SSBP2: variants seen among roughly 807,000 people sequenced by gnomAD.
SSBP2 encodes single-stranded DNA-binding protein 2.
Under a neutral mutation model 61.8 loss-of-function variants are expected in SSBP2, and 17 were observed. That is an observed-to-expected ratio of 0.28 (90% CI 0.19 to 0.41). SSBP2 has a LOEUF of 0.41. Ranked by LOEUF, SSBP2 falls within the 10% of genes least tolerant of loss-of-function variation. SSBP2 has a pLI of 1.00. For synonymous variants in SSBP2, 139 were observed against 141.3 expected (o/e 0.98, Z 0.12); for missense variants, 310 against 458.7 (o/e 0.68, Z 2.96).
rs376948938 is a variant in SSBP2, at chr5:81,429,136, G to A, written c.958-453C>T. ...ACATTTCCTTTTAATTCTACATGCA[G>A]TATACAGATAACACTATTTCAACCA... On this transcript the variant is annotated intron_variant, in intron 15 of 16. Coordinates refer to ENST00000320672, the MANE Select transcript of SSBP2 (RefSeq NM_012446.5). Among the ~76,000 whole-genome samples the A allele has an allele frequency of 1.4e-4, 22 of 152,222 alleles. No homozygotes were observed. The East Asian group carries it at 4.2e-3, about 29-fold the overall frequency.
intron 4 of SSBP2, among the ~76,000 whole-genome samples, chr5:81,578,950 C>G (rs945439750): frequency 1.3e-5 from 2 of 151,854 alleles, no homozygotes; most frequent in South Asian, 2.1e-4. Context: ...AATTAAAGAA[C>G]CTAAATTGTA....
intron 10 of SSBP2, among the ~76,000 whole-genome samples, chr5:81,451,673 C>T (rs776575440): frequency 5.9e-5 from 9 of 152,372 alleles, no homozygotes; most frequent in Middle Eastern, 3.4e-3. Flanking sequence ...GTGATCCACC[C>T]GCCTTGGCCT....
chr5:81,440,739 T>G, intron 13 of SSBP2, 103 bp from the exon 14 acceptor site: 1 of 799,878 alleles, frequency 1.3e-6, no homozygotes, highest in South Asian at 2.0e-5. Flanking sequence ...ACAACTTATT[T>G]TTACTTTCAA....
rs199843175 is a variant in SSBP2 at position 81,739,592 on chromosome 5, TA to T, written c.62+11388del. Among the ~76,000 whole-genome samples, 754 of 152,258 alleles carry T rather than the reference TA, an allele frequency of 5.0e-3. 2 individuals are homozygous for T. The highest frequency in any genetic ancestry group is 0.016 in the African/African-American group (682 of 41,542). On this transcript the variant is annotated intron_variant, in intron 1 of 16. Coordinates refer to ENST00000320672, the MANE Select transcript of SSBP2 (RefSeq NM_012446.5). ...TGATGGGCAGAGATTGCCAGGTTAT[TA>T]AGATCTGACTCAGGAAGGCTCAACA...
At chr5:81,718,789 G>T (rs1755347780) in intron 1 of SSBP2, among the ~76,000 whole-genome samples, 1 of 152,144 alleles carries the variant, frequency 6.6e-6, no homozygotes. Context: ...AGTAAGAAAT[G>T]CACTGATTAG....
chr5:81,453,456 CT>C (rs34761912), intron 10 of SSBP2, among the ~76,000 whole-genome samples: 40,324 of 111,986 alleles, frequency 0.36, 7,432 homozygotes, highest in African/African-American at 0.68. Flanking sequence ...TGGGTTTATT[CT>C]TTTTTTTTTT....
At chr5:81,620,378 C>G (rs1362118662) in intron 3 of SSBP2, among the ~76,000 whole-genome samples, 1 of 149,094 alleles carries the variant, frequency 6.7e-6, no homozygotes, top group Non-Finnish European at 1.5e-5. Context: ...AATAAAATAC[C>G]TAGGAATCCA....
At chr5:81,560,378 G>A (rs374756690) in intron 4 of SSBP2, among the ~76,000 whole-genome samples, 1 of 152,112 alleles carries the variant, frequency 6.6e-6, no homozygotes, top group South Asian at 2.1e-4. Context: ...ACTGCCAAAG[G>A]GTTGCAGGAA....
intron 4 of SSBP2, among the ~76,000 whole-genome samples, chr5:81,562,254 G>C (rs1773106287): frequency 6.6e-6 from 1 of 152,032 alleles, no homozygotes; most frequent in African/African-American, 2.4e-5. Flanking sequence ...AGTGTAAAAA[G>C]AAATATAATT....
At chr5:81,644,652 G>T (rs1001468609) in intron 2 of SSBP2, among the ~76,000 whole-genome samples, 8 of 152,164 alleles carry the variant, frequency 5.3e-5, no homozygotes, top group African/African-American at 1.9e-4. Flanking sequence ...ATACAAAAGA[G>T]CAATGAGTTA....
At chr5:81,470,823 A>T (rs1561438914) in intron 8 of SSBP2, among the ~76,000 whole-genome samples, 2 of 151,880 alleles carry the variant, frequency 1.3e-5, no homozygotes, top group South Asian at 4.1e-4. Flanking sequence ...TTTTTCCATT[A>T]TCTCTCAAGA....
At chr5:81,747,433 T>C (rs865964214) in intron 1 of SSBP2, among the ~76,000 whole-genome samples, 3 of 152,216 alleles carry the variant, frequency 2.0e-5, no homozygotes, top group South Asian at 4.2e-4. Context: ...TCTTGTAGAT[T>C]TGTTGGGAGA....
chr5:81,425,988 C>T (rs904259252), intron 16 of SSBP2, among the ~76,000 whole-genome samples: 1 of 152,142 alleles, frequency 6.6e-6, no homozygotes, highest in Non-Finnish European at 1.5e-5. Flanking sequence ...GCAGACTGCT[C>T]AAAAATATGT....
At chr5:81,561,034 G>A (rs1773005830) in intron 4 of SSBP2, among the ~76,000 whole-genome samples, 1 of 152,090 alleles carries the variant, frequency 6.6e-6, no homozygotes. Context: ...GATCATAGGA[G>A]TTTCTCCTAG....
At chr5:81,708,693 CCCTTT>C (rs1754566427) in intron 1 of SSBP2, among the ~76,000 whole-genome samples, 1 of 151,948 alleles carries the variant, frequency 6.6e-6, no homozygotes, top group Non-Finnish European at 1.5e-5. Context: ...CTAAAATGTA[CCCTTT>C]CTTCTTTAGT....
At chr5:81,493,428 G>A (rs1396948091) in intron 5 of SSBP2, among the ~76,000 whole-genome samples, 1 of 151,724 alleles carries the variant, frequency 6.6e-6, no homozygotes, top group Non-Finnish European at 1.5e-5. Context: ...GGGACTACAG[G>A]TGTGGTACAC....
intron 1 of SSBP2, among the ~76,000 whole-genome samples, chr5:81,688,407 C>T (rs1398807697): frequency 2.0e-5 from 3 of 152,172 alleles, no homozygotes; most frequent in Admixed American, 1.3e-4. Context: ...GATTATAGAG[C>T]CCTAGGGCCT....
chr5:81,688,452 C>T (rs1044562396), intron 1 of SSBP2, among the ~76,000 whole-genome samples: 8 of 152,176 alleles, frequency 5.3e-5, no homozygotes, highest in African/African-American at 1.4e-4. Context: ...ACAGTGGTTA[C>T]CACAGGCCTT....
intron 4 of SSBP2, among the ~76,000 whole-genome samples, chr5:81,557,636 T>C (rs1772707268): frequency 1.3e-5 from 2 of 152,210 alleles, no homozygotes; most frequent in Admixed American, 6.5e-5. Context: ...ATGTCTAATA[T>C]ACCATTAATC....
Sources: allele counts gnomAD v4.1 joint callset (sites outside exome capture counted in the v4.1 genomes callset), GRCh38; gene constraint gnomAD v4.1.1; transcripts MANE v1.5; gene names NCBI Gene and HGNC (gene_info 2026-07-23, HGNC 2026-07-21).